RBM27: variants seen among roughly 807,000 people sequenced by gnomAD.
RBM27 encodes the protein RNA-binding protein 27.
In RBM27, 22 loss-of-function variants were observed where a neutral mutation model predicts 135.3. The ratio of observed to expected loss-of-function variants is 0.16; its 90% confidence interval spans 0.12 to 0.23. The LOEUF is 0.23. RBM27 is among the 10% of genes least tolerant of loss of function. The pLI is 1.00. For synonymous variants in RBM27, 481 were observed against 442.4 expected (o/e 1.09, Z -1.10); for missense variants, 1,009 against 1,281.0 (o/e 0.79, Z 3.24).
chr5:146,279,318 G>A (rs1041502223), intron 19 of RBM27, among the ~76,000 whole-genome samples: 4 of 151,540 alleles, frequency 2.6e-5, no homozygotes, highest in Non-Finnish European at 4.4e-5. Context: ...GCATGGTGGC[G>A]TGCACCTGGA....
At chr5:146,222,311 A>G (rs1477813346) in intron 2 of RBM27, among the ~76,000 whole-genome samples, 1 of 152,270 alleles carries the variant, frequency 6.6e-6, no homozygotes, top group East Asian at 1.9e-4. Flanking sequence ...CAATGTAAGC[A>G]GAGTTTGTGT....
intron 2 of RBM27, among the ~76,000 whole-genome samples, chr5:146,220,274 G>A (rs1756390417): frequency 6.6e-6 from 1 of 152,016 alleles, no homozygotes; most frequent in Non-Finnish European, 1.5e-5. Flanking sequence ...TCAAGAGATC[G>A]AGACCATCCT....
intron 2 of RBM27, among the ~76,000 whole-genome samples, chr5:146,219,522 G>T (rs1029397956): frequency 6.6e-6 from 1 of 152,082 alleles, no homozygotes; most frequent in Admixed American, 6.6e-5. Flanking sequence ...TTCTCTTTGT[G>T]CCTTTAACTT....
At chr5:146,255,665 C>T (rs1758070696) in intron 10 of RBM27, among the ~76,000 whole-genome samples, 1 of 152,094 alleles carries the variant, frequency 6.6e-6, no homozygotes, top group African/African-American at 2.4e-5. Flanking sequence ...ACCTACTCCC[C>T]CACTAAAAAG....
intron 8 of RBM27, among the ~76,000 whole-genome samples, chr5:146,240,604 G>A (rs1757366474): frequency 6.6e-6 from 1 of 152,074 alleles, no homozygotes; most frequent in African/African-American, 2.4e-5. Flanking sequence ...TGGGATTACG[G>A]GCATGAACCC....
At chr5:146,220,920 A>C (rs1056750102) in intron 2 of RBM27, among the ~76,000 whole-genome samples, 1 of 152,100 alleles carries the variant, frequency 6.6e-6, no homozygotes, top group African/African-American at 2.4e-5. Context: ...TTTGTTATAA[A>C]AAGTTAGAAA....
intron 1 of RBM27, among the ~76,000 whole-genome samples, chr5:146,211,439 C>G (rs1337734594): frequency 1.8e-5 from 2 of 108,162 alleles, no homozygotes; most frequent in East Asian, 5.4e-4. Flanking sequence ...TCCATTTTTA[C>G]TTACTTTGTC....
intron 1 of RBM27, among the ~76,000 whole-genome samples, chr5:146,215,594 G>T (rs547391123): frequency 4.6e-5 from 7 of 152,146 alleles, no homozygotes; most frequent in African/African-American, 1.7e-4. Context: ...TTTAAGTAAA[G>T]GTGGAAATGT....
At chr5:146,228,804 A>C (rs1269784540) in intron 3 of RBM27, 142 bp from the exon 4 acceptor site, 39 of 567,952 alleles carry the variant, frequency 6.9e-5, no homozygotes, top group Non-Finnish European at 2.2e-5. Flanking sequence ...GTAGAGATGG[A>C]GTCTCCCTGT....
At chr5:146,261,302 G>A in intron 12 of RBM27, 5 of 598,232 alleles carry the variant, frequency 8.4e-6, no homozygotes, top group Non-Finnish European at 1.5e-5. Flanking sequence ...TTCTTTTAAG[G>A]CCACCGATAC....
intron 19 of RBM27, among the ~76,000 whole-genome samples, chr5:146,280,009 A>T (rs1378855053): frequency 2.0e-5 from 3 of 152,048 alleles, no homozygotes; most frequent in African/African-American, 7.2e-5. Context: ...CTGCATTCCA[A>T]ACCTTGCCTT....
chr5:146,284,546 T>G, intron 19 of RBM27, 76 bp from the exon 20 acceptor site: 1 of 942,520 alleles, frequency 1.1e-6, no homozygotes, highest in Non-Finnish European at 1.7e-6. Context: ...TTATACTTTT[T>G]AAATAACACA....
At chr5:146,260,711 A>G in intron 11 of RBM27, 34 bp from the exon 12 acceptor site, 1 of 1,544,184 alleles carries the variant, frequency 6.5e-7, no homozygotes, top group Non-Finnish European at 8.7e-7. Context: ...ATGAAGTAGG[A>G]GAATTAACCA....
intron 8 of RBM27, among the ~76,000 whole-genome samples, chr5:146,240,115 A>G (rs2126784879): frequency 6.6e-6 from 1 of 151,932 alleles, no homozygotes; most frequent in African/African-American, 2.4e-5. Flanking sequence ...CTTCTTGGCA[A>G]TCTTTGTCCA....
intron 19 of RBM27, among the ~76,000 whole-genome samples, chr5:146,277,455 C>A (rs939074497): frequency 1.3e-5 from 2 of 151,526 alleles, no homozygotes; most frequent in African/African-American, 4.9e-5. Flanking sequence ...GGTTGTTTAC[C>A]ATTTAACTAT....
At chr5:146,271,126 C>A (rs878996871) in intron 18 of RBM27, 68 bp downstream of exon 18, 22 of 1,190,044 alleles carry the variant, frequency 1.8e-5, no homozygotes, top group Non-Finnish European at 2.6e-5. Context: ...TTTGACCGGG[C>A]GCGGTGGCTC....
intron 1 of RBM27, among the ~76,000 whole-genome samples, chr5:146,207,708 G>T (rs1401428711): frequency 1.4e-5 from 2 of 146,964 alleles, no homozygotes; most frequent in African/African-American, 5.0e-5. Flanking sequence ...AGGCTGGAGT[G>T]CAGTGGCACG....
chr5:146,219,373 A>T (rs1756343801), intron 2 of RBM27, among the ~76,000 whole-genome samples: 1 of 152,148 alleles, frequency 6.6e-6, no homozygotes. Context: ...GACAGAGCCT[A>T]CTTGATGATT....
At chr5:146,207,661 T>TC (rs1266343540) in intron 1 of RBM27, among the ~76,000 whole-genome samples, 28 of 145,102 alleles carry the variant, frequency 1.9e-4, no homozygotes, top group Admixed American at 6.1e-4. Flanking sequence ...GATATTTCTT[T>TC]TTTTTTTTTT....
Sources: allele counts gnomAD v4.1 joint callset (sites outside exome capture counted in the v4.1 genomes callset), GRCh38; gene constraint gnomAD v4.1.1; transcripts MANE v1.5; gene names NCBI Gene and HGNC (gene_info 2026-07-23, HGNC 2026-07-21).